Variants in SLC24A4 observed in about 807,000 individuals in gnomAD.
SLC24A4 encodes solute carrier family 24 member 4.
Under a neutral mutation model 79.0 loss-of-function variants are expected in SLC24A4, and 53 were observed. The observed-to-expected ratio is 0.67, with a 90% CI of 0.54 to 0.84. The LOEUF (loss-of-function observed/expected upper bound fraction) is 0.84, where lower values mean the gene tolerates loss of function less well. SLC24A4 is among the 40% of genes least tolerant of loss of function. The pLI is 0.00. For synonymous variants in SLC24A4, 323 were observed against 323.8 expected (o/e 1.00, Z 0.03); for missense variants, 731 against 822.0 (o/e 0.89, Z 1.35).
At chr14:92,472,661 C>T (rs1894503196) in intron 12 of SLC24A4, among the ~76,000 whole-genome samples, 1 of 151,712 alleles carries the variant, frequency 6.6e-6, no homozygotes, top group South Asian at 2.1e-4. Flanking sequence ...TATGTACACA[C>T]CACAGTTTCT....
At chr14:92,442,520 A>G (rs559902425) in intron 5 of SLC24A4, among the ~76,000 whole-genome samples, 193 bp from the exon 6 acceptor site, 1 of 152,336 alleles carries the variant, frequency 6.6e-6, no homozygotes, top group South Asian at 2.1e-4. Flanking sequence ...GAAAAAGGGA[A>G]GATTGGAGTA....
upstream of SLC24A4, among the ~76,000 whole-genome samples, chr14:92,322,849 C>T (rs571168495): frequency 6.6e-6 from 1 of 151,952 alleles, no homozygotes; most frequent in African/African-American, 2.4e-5. Flanking sequence ...TCGGAGAGCC[C>T]GGACAGGAGC....
At chr14:92,436,086 GT>G (rs1338775093) in intron 3 of SLC24A4, among the ~76,000 whole-genome samples, 1 of 152,142 alleles carries the variant, frequency 6.6e-6, no homozygotes, top group Non-Finnish European at 1.5e-5. Flanking sequence ...AAGAAAAGAG[GT>G]TTAACTGACT....
chr14:92,365,007 C>T (rs1158502078), intron 2 of SLC24A4, among the ~76,000 whole-genome samples: 1 of 152,210 alleles, frequency 6.6e-6, no homozygotes, highest in Non-Finnish European at 1.5e-5. Flanking sequence ...CCTCCCTATC[C>T]TTCCAGATGA....
chr14:92,411,135 G>T (rs1890685922), intron 2 of SLC24A4, among the ~76,000 whole-genome samples: 1 of 152,162 alleles, frequency 6.6e-6, no homozygotes, highest in Non-Finnish European at 1.5e-5. Flanking sequence ...TGGTGAGGAT[G>T]GGGGCTGGGA....
At chr14:92,371,545 A>G (rs755247611) in intron 2 of SLC24A4, among the ~76,000 whole-genome samples, 1 of 152,212 alleles carries the variant, frequency 6.6e-6, no homozygotes, top group Non-Finnish European at 1.5e-5. Context: ...TCAGTTTTTC[A>G]CACTGTATAT....
intron 2 of SLC24A4, among the ~76,000 whole-genome samples, chr14:92,376,722 G>C (rs1215454586): frequency 6.6e-6 from 1 of 152,182 alleles, no homozygotes; most frequent in African/African-American, 2.4e-5. Flanking sequence ...AGGTGCCTGG[G>C]GTTTTTAGGT....
intron 1 of SLC24A4, 147 bp from the exon 2 acceptor site, chr14:92,325,721 A>G (rs911582560): frequency 6.8e-6 from 4 of 591,898 alleles, no homozygotes; most frequent in Non-Finnish European, 1.2e-5. Context: ...GTGATATTAT[A>G]CTTCCAATCA....
intron 2 of SLC24A4, among the ~76,000 whole-genome samples, chr14:92,339,514 A>G (rs937833725): frequency 2.0e-5 from 3 of 152,210 alleles, no homozygotes; most frequent in African/African-American, 7.2e-5. Flanking sequence ...GAGAGGTTCA[A>G]TAACTTGCTC....
At chr14:92,397,975 C>T (rs533350261) in intron 2 of SLC24A4, among the ~76,000 whole-genome samples, 13 of 152,196 alleles carry the variant, frequency 8.5e-5, no homozygotes, top group Middle Eastern at 3.2e-3. Flanking sequence ...CCAGTGTCCT[C>T]ACTGAGCACA....
intron 2 of SLC24A4, among the ~76,000 whole-genome samples, chr14:92,419,230 G>A (rs1301284949): frequency 2.6e-5 from 4 of 152,148 alleles, no homozygotes; most frequent in South Asian, 2.1e-4. Flanking sequence ...CTGGCAACCC[G>A]ACCTGACCTC....
chr14:92,417,755 A>C (rs559672826), intron 2 of SLC24A4, among the ~76,000 whole-genome samples: 1 of 152,362 alleles, frequency 6.6e-6, no homozygotes, highest in South Asian at 2.1e-4. Flanking sequence ...AATGCTTACC[A>C]CTGTGTTTCA....
rs1246377944 is a variant in SLC24A4 at position 92,486,765 on chromosome 14, A to G, written c.1522A>G (p.Ile508Val). The change falls in exon 14 of 17, where the codon ATT becomes GTT. Residue 508 changes from isoleucine to valine, a missense_variant. Physicochemically the swap from Ile to Val is conservative, Grantham distance 29 (BLOSUM62 3). Coordinates refer to ENST00000532405, the MANE Select transcript of SLC24A4 (RefSeq NM_153646.4). Reference sequence around the variant, plus strand: ...TGTTCCAGACTGCATGGCCAGCCTAATTGTGGCGAGACAAGGTATGGATTA... The same window carrying G: ...TGTTCCAGACTGCATGGCCAGCCTAGTTGTGGCGAGACAAGGTATGGATTA... ...TSVPDCMASL[I>V]VARQGLGDMA... The G allele has an allele frequency of 6.2e-7, 1 of 1,613,910 alleles. No individual in the cohort carries two copies. Among genetic ancestry groups the G allele is most frequent in the South Asian group, 1.1e-5 (1 of 91,068 alleles).
chr14:92,337,637 C>A (rs1885888924), intron 2 of SLC24A4, among the ~76,000 whole-genome samples: 2 of 152,186 alleles, frequency 1.3e-5, no homozygotes, highest in African/African-American at 4.8e-5. Context: ...GTGATCTTGC[C>A]TTTTAACCCA....
intron 12 of SLC24A4, among the ~76,000 whole-genome samples, chr14:92,463,977 T>C (rs1411660594): frequency 6.6e-6 from 1 of 152,230 alleles, no homozygotes; most frequent in Non-Finnish European, 1.5e-5. Context: ...TATGTGTTGG[T>C]ACTTTATTCC....
chr14:92,482,223 G>C (rs1432784525), intron 12 of SLC24A4, among the ~76,000 whole-genome samples: 3 of 152,266 alleles, frequency 2.0e-5, no homozygotes, highest in Non-Finnish European at 4.4e-5. Context: ...CACTGTGCCT[G>C]CAGCACATGG....
At chr14:92,467,935 G>C (rs548289965) in intron 12 of SLC24A4, among the ~76,000 whole-genome samples, 2 of 152,298 alleles carry the variant, frequency 1.3e-5, no homozygotes, top group East Asian at 3.9e-4. Context: ...ATTATGCTGA[G>C]GGCTCTAGCC....
intron 2 of SLC24A4, among the ~76,000 whole-genome samples, chr14:92,332,036 T>C (rs1337123944): frequency 1.3e-5 from 2 of 152,140 alleles, no homozygotes; most frequent in Non-Finnish European, 2.9e-5. Flanking sequence ...CCTAGCACTT[T>C]GAGAGGCTGA....
chr14:92,450,394 T>A (rs1031919454), intron 10 of SLC24A4: 2 of 152,280 alleles, frequency 1.3e-5, no homozygotes, highest in Admixed American at 1.3e-4. Flanking sequence ...AGTCTCTCCG[T>A]ATAGAAGGAG....
Sources: gnomAD v4.1 joint callset for allele counts (sites outside exome capture counted in the v4.1 genomes callset) on GRCh38, gnomAD v4.1.1 for gene constraint, MANE v1.5 for transcripts, NCBI Gene and HGNC (gene_info 2026-07-23, HGNC 2026-07-21) for gene names.